Variants in OSBPL9 observed in about 807,000 individuals in gnomAD.
OSBPL9 encodes oxysterol binding protein like 9, also known as oxysterol-binding protein-related protein 9.
OSBPL9 carries 40 observed loss-of-function variants against 106.6 expected under a neutral mutation model. That is an observed-to-expected ratio of 0.38 (90% CI 0.29 to 0.49). The LOEUF is 0.49. Ranked by LOEUF, OSBPL9 falls within the 20% of genes least tolerant of loss-of-function variation. The pLI, the probability that OSBPL9 is intolerant of heterozygous loss-of-function variation, is 0.97. For missense variants in OSBPL9, 609 were observed against 887.2 expected (o/e 0.69, Z 3.98); for synonymous variants, 269 against 295.4 (o/e 0.91, Z 0.92).
intron 1 of OSBPL9, among the ~76,000 whole-genome samples, chr1:51,582,664 C>T (rs533053307): frequency 6.6e-6 from 1 of 152,042 alleles, no homozygotes; most frequent in East Asian, 1.9e-4. Flanking sequence ...TCCTGCCTCC[C>T]TCCTTCTCTA....
At chr1:51,572,667 T>C (rs550936373), upstream of OSBPL9, among the ~76,000 whole-genome samples, 6 of 152,306 alleles carry the variant, frequency 3.9e-5, no homozygotes, top group South Asian at 6.2e-4. Context: ...GCTGTGTATA[T>C]AGCCTTGGGC....
At chr1:51,606,053 T>G (rs1643947145) in intron 2 of OSBPL9, among the ~76,000 whole-genome samples, 1 of 151,330 alleles carries the variant, frequency 6.6e-6, no homozygotes. Flanking sequence ...AAGAAAGAAA[T>G]ATGACCGGCT....
At chr1:51,531,807 C>G in the OSBPL9 span, among the ~76,000 whole-genome samples, 1 of 152,014 alleles carries the variant, frequency 6.6e-6, no homozygotes, top group Non-Finnish European at 1.5e-5. Context: ...GTCCAAGTGT[C>G]TATAATAAAA....
chr1:51,558,795 C>T, the OSBPL9 span, among the ~76,000 whole-genome samples: 2 of 152,094 alleles, frequency 1.3e-5, no homozygotes, highest in Non-Finnish European at 2.9e-5. Context: ...CTCAGTGCCC[C>T]GGCTTTTCTG....
chr1:51,723,217 G>A (rs886363909), intron 4 of OSBPL9, among the ~76,000 whole-genome samples: 3 of 152,234 alleles, frequency 2.0e-5, no homozygotes, highest in African/African-American at 4.8e-5. Context: ...GGGTTTGGTC[G>A]ATTTTATAAT....
At chr1:51,563,129 G>A in the OSBPL9 span, among the ~76,000 whole-genome samples, 4 of 152,172 alleles carry the variant, frequency 2.6e-5, no homozygotes, top group Admixed American at 2.6e-4. Context: ...AGAATCTCTT[G>A]AGCCCAGGAG....
chr1:51,777,037 G>C, intron 15 of OSBPL9, 119 bp downstream of exon 15: 1 of 811,744 alleles, frequency 1.2e-6, no homozygotes, highest in Non-Finnish European at 2.0e-6. Context: ...TGGGTATTCT[G>C]TGGTATTGAA....
At chr1:51,672,969 G>A (rs1650252793) in intron 3 of OSBPL9, among the ~76,000 whole-genome samples, 1 of 152,212 alleles carries the variant, frequency 6.6e-6, no homozygotes, top group African/African-American at 2.4e-5. Flanking sequence ...CAGAAATAGA[G>A]TTGGGAGTCA....
chr1:51,720,395 G>A (rs1006796199), intron 4 of OSBPL9, among the ~76,000 whole-genome samples: 2 of 149,904 alleles, frequency 1.3e-5, no homozygotes, highest in African/African-American at 2.5e-5. Flanking sequence ...GTGTGATCTC[G>A]GCTTACTGCA....
At chr1:51,533,499 A>G in the OSBPL9 span, among the ~76,000 whole-genome samples, 24,182 of 147,780 alleles carry the variant, frequency 0.16, 2,207 homozygotes, top group Middle Eastern at 0.35. Flanking sequence ...AAAAAAAAAA[A>G]AAAGAAAGAA....
At chr1:51,550,099 CT>C in the OSBPL9 span, among the ~76,000 whole-genome samples, 1 of 152,210 alleles carries the variant, frequency 6.6e-6, no homozygotes, top group Non-Finnish European at 1.5e-5. Flanking sequence ...GAGCAAGTGA[CT>C]TACCCACTCT....
intron 1 of OSBPL9, among the ~76,000 whole-genome samples, chr1:51,650,912 A>T (rs1646477852): frequency 6.6e-6 from 1 of 152,242 alleles, no homozygotes; most frequent in Non-Finnish European, 1.5e-5. Context: ...TAAGAGACAC[A>T]GAAAGGCTAA....
At chr1:51,785,628 C>A (rs1677423754) in intron 20 of OSBPL9, 180 bp from the exon 21 acceptor site, 1 of 568,356 alleles carries the variant, frequency 1.8e-6, no homozygotes. Flanking sequence ...TCATAAGCGT[C>A]CTGTTGAAGG....
At chr1:51,778,276 G>T (rs551756810) in intron 15 of OSBPL9, among the ~76,000 whole-genome samples, 10 of 152,188 alleles carry the variant, frequency 6.6e-5, no homozygotes, top group African/African-American at 2.4e-4. Context: ...GGAACAAAGG[G>T]GGCATGTAGA....
intron 1 of OSBPL9, among the ~76,000 whole-genome samples, chr1:51,641,399 G>A (rs531443255): frequency 6.6e-6 from 1 of 152,110 alleles, no homozygotes; most frequent in Non-Finnish European, 1.5e-5. Flanking sequence ...TATGAACTTT[G>A]TGGGGATGTA....
intron 14 of OSBPL9, among the ~76,000 whole-genome samples, chr1:51,774,618 A>G (rs936942108): frequency 3.3e-5 from 5 of 152,224 alleles, no homozygotes; most frequent in Non-Finnish European, 5.9e-5. Flanking sequence ...AAGAACCCTA[A>G]CATATAAGCA....
chr1:51,712,794 T>C (rs1571263233), intron 3 of OSBPL9, among the ~76,000 whole-genome samples: 1 of 152,242 alleles, frequency 6.6e-6, no homozygotes, highest in African/African-American at 2.4e-5. Context: ...TCTTTGCTTA[T>C]GTGCTAGACA....
chr1:51,783,850 G>C, intron 17 of OSBPL9, 65 bp from the exon 18 acceptor site: 1 of 1,195,208 alleles, frequency 8.4e-7, no homozygotes, highest in Non-Finnish European at 1.2e-6. Context: ...ATTTCCCCAG[G>C]TTATGTGATT....
rs148909045 is a variant in OSBPL9, at chr1:51,746,715, T to G, written c.420T>G (p.Phe140Leu). ...CATTTTTTAAAATCTTGTAGCTTTT[T>G]GATGACAAGCTTCAAAACTGCAAAG... ...LQILIEQLKL[F>L]DDKLQNCKED... The change falls in exon 6 of 24, where the codon TTT becomes TTG. Residue 140 changes from phenylalanine (F) to leucine (L), a missense_variant. Phe to Leu is a conservative substitution (Grantham distance 22, BLOSUM62 0). Coordinates refer to ENST00000428468, the MANE Select transcript of OSBPL9 (RefSeq NM_024586.6). The G allele has an allele frequency of 4.3e-4, 686 of 1,608,382 alleles. 1 individual carries two copies. Among genetic ancestry groups the G allele is most frequent in the Non-Finnish European group, 5.3e-4 (628 of 1,176,986 alleles).
Sources: allele counts gnomAD v4.1 joint callset (sites outside exome capture counted in the v4.1 genomes callset), GRCh38; gene constraint gnomAD v4.1.1; transcripts MANE v1.5; gene names NCBI Gene and HGNC (gene_info 2026-07-23, HGNC 2026-07-21).